The following RBFOX1 variants were observed in gnomAD, a reference collection of about 807,000 sequenced individuals.
RBFOX1 encodes the protein RNA binding protein fox-1 homolog 1.
RBFOX1 carries 8 observed loss-of-function variants against 57.7 expected under a neutral mutation model. That is an observed-to-expected ratio of 0.14 (90% confidence interval 0.08 to 0.25). The LOEUF is 0.25. RBFOX1 is among the 10% of genes least tolerant of loss of function. The pLI is 1.00. For synonymous variants in RBFOX1, 326 were observed against 222.4 expected (o/e 1.47, Z -4.15); for missense variants, 611 against 548.5 (o/e 1.11, Z -1.14).
chr16:6,366,188 T>C (rs1277132781), intron 2 of RBFOX1, among the ~76,000 whole-genome samples: 2 of 152,002 alleles, frequency 1.3e-5, no homozygotes, highest in Admixed American at 1.3e-4. Context: ...CATATGTACG[T>C]ATAAATAAAA....
intron 4 of RBFOX1, among the ~76,000 whole-genome samples, chr16:7,161,441 C>T (rs1047201951): frequency 1.3e-5 from 2 of 152,106 alleles, no homozygotes; most frequent in African/African-American, 4.8e-5. Context: ...AAGTGTGAGG[C>T]ACTTGAAAAA....
intron 1 of RBFOX1, among the ~76,000 whole-genome samples, chr16:6,157,090 C>A (rs2096843711): frequency 6.6e-6 from 1 of 152,172 alleles, no homozygotes; most frequent in Non-Finnish European, 1.5e-5. Context: ...CCACCATGGC[C>A]TCCCAAAGCG....
At chr16:5,454,779 T>TTCTTTCTTTC (rs756254647) in intron 1 of RBFOX1, among the ~76,000 whole-genome samples, 1 of 151,306 alleles carries the variant, frequency 6.6e-6, no homozygotes, top group Non-Finnish European at 1.5e-5. Flanking sequence ...CTTTCTTTCT[T>TTCTTTCTTTC]TCTTTCTTTC....
chr16:7,245,891 C>A (rs554708042), intron 4 of RBFOX1, among the ~76,000 whole-genome samples: 1 of 152,124 alleles, frequency 6.6e-6, no homozygotes, highest in African/African-American at 2.4e-5. Flanking sequence ...TACAGTCTTG[C>A]AAATAGATAT....
At chr16:5,429,531 G>A (rs1056796677) in intron 1 of RBFOX1, among the ~76,000 whole-genome samples, 10 of 152,168 alleles carry the variant, frequency 6.6e-5, no homozygotes, top group African/African-American at 2.4e-4. Context: ...CCAAAGCACA[G>A]CCAAGACAGG....
At chr16:5,641,059 C>T (rs530914085) in intron 3 of RBFOX1, among the ~76,000 whole-genome samples, 1 of 150,130 alleles carries the variant, frequency 6.7e-6, no homozygotes, top group Non-Finnish European at 1.5e-5. Context: ...TGCACATACA[C>T]CCATGCACAC....
chr16:6,516,905 A>G (rs917138871), intron 2 of RBFOX1, among the ~76,000 whole-genome samples: 2 of 152,182 alleles, frequency 1.3e-5, no homozygotes, highest in Non-Finnish European at 2.9e-5. Flanking sequence ...CAGTCTTGGC[A>G]CCTTGACATC....
At chr16:7,332,322 C>G (rs1350028743) in intron 4 of RBFOX1, among the ~76,000 whole-genome samples, 1 of 152,228 alleles carries the variant, frequency 6.6e-6, no homozygotes, top group Admixed American at 6.5e-5. Context: ...AATAATTTAA[C>G]TCTGTCTCTC....
chr16:7,365,107 C>T (rs1001851567), intron 4 of RBFOX1, among the ~76,000 whole-genome samples: 1 of 152,088 alleles, frequency 6.6e-6, no homozygotes. Context: ...CTATCCATCC[C>T]AATACAAACC....
rs972354331 is a variant in RBFOX1 at position 7,044,320 on chromosome 16, G to A, written c.-15-7737G>A. Among the ~76,000 whole-genome samples the A allele has an allele frequency of 8.5e-5, 13 of 152,200 alleles. 1 individual carries two copies. The highest frequency in any genetic ancestry group is 2.6e-4 in the Admixed American group (4 of 15,280). Reference sequence around the variant, plus strand: ...GTTCTAGTTCTTGCAGAGCCAGTCTGATGTGTGGGAGAGAAAAATCAGACT... The same window carrying A: ...GTTCTAGTTCTTGCAGAGCCAGTCTAATGTGTGGGAGAGAAAAATCAGACT... On this transcript the variant is annotated intron_variant, in intron 3 of 15. Coordinates refer to ENST00000550418, the MANE Select transcript of RBFOX1 (RefSeq NM_018723.4).
At chr16:6,263,793 G>C (rs568052451) in intron 1 of RBFOX1, among the ~76,000 whole-genome samples, 2 of 152,170 alleles carry the variant, frequency 1.3e-5, no homozygotes, top group South Asian at 4.2e-4. Flanking sequence ...TCTTCACATT[G>C]GAAGCACCAC....
At position 6,028,819 on chromosome 16, in the gene RBFOX1, G is replaced by A. The variant is rs541938268; in HGVS notation, c.-127+8827G>A. On this transcript the variant is annotated intron_variant, in intron 1 of 15. Transcript: ENST00000550418. ...TCAAGGTGATAAGGCACTGAATGGGGCTATGTTGGAGTCAGAAAAGCTTTG... is the reference window on the plus strand; with the variant it reads ...TCAAGGTGATAAGGCACTGAATGGGACTATGTTGGAGTCAGAAAAGCTTTG... 9.0e-3 allele frequency among the ~76,000 whole-genome samples: 1,368 copies of A among 152,312 alleles called. 10 individuals are homozygous for A. The highest frequency in any genetic ancestry group is 0.013 in the Non-Finnish European group (863 of 68,032).
intron 1 of RBFOX1, among the ~76,000 whole-genome samples, chr16:6,051,673 C>G (rs576090095): frequency 3.3e-5 from 5 of 152,290 alleles, no homozygotes; most frequent in African/African-American, 1.2e-4. Context: ...AAGCAATGTT[C>G]CTGCCTCAGC....
intron 4 of RBFOX1, among the ~76,000 whole-genome samples, chr16:7,334,846 TCTTA>T (rs1466209207): frequency 2.6e-5 from 4 of 152,138 alleles, no homozygotes; most frequent in Non-Finnish European, 5.9e-5. Context: ...GAACAAGTGG[TCTTA>T]CTTGTAAATC....
chr16:7,690,018 G>A (rs1380490694), intron 14 of RBFOX1, among the ~76,000 whole-genome samples: 1 of 152,138 alleles, frequency 6.6e-6, no homozygotes, highest in Non-Finnish European at 1.5e-5. Flanking sequence ...ACCAAAGTTG[G>A]AAGAGATTCA....
chr16:5,978,224 G>A (rs1298545141), intron 4 of RBFOX1, among the ~76,000 whole-genome samples: 1 of 150,158 alleles, frequency 6.7e-6, no homozygotes, highest in Non-Finnish European at 1.5e-5. Flanking sequence ...TGAGGTGGGA[G>A]GATCACTTGC....
At chr16:6,485,455 T>C (rs2095456894) in intron 2 of RBFOX1, among the ~76,000 whole-genome samples, 1 of 152,164 alleles carries the variant, frequency 6.6e-6, no homozygotes, top group African/African-American at 2.4e-5. Context: ...CTTTACTGTT[T>C]TACCTGGTGC....
At chr16:7,110,533 A>G (rs544082701) in intron 4 of RBFOX1, among the ~76,000 whole-genome samples, 58 of 152,312 alleles carry the variant, frequency 3.8e-4, no homozygotes, top group South Asian at 1.5e-3. Flanking sequence ...TATTTTAACA[A>G]TAAAATCTAA....
At chr16:5,403,167 A>G (rs750268191) in intron 1 of RBFOX1, among the ~76,000 whole-genome samples, 3 of 151,998 alleles carry the variant, frequency 2.0e-5, no homozygotes, top group Non-Finnish European at 4.4e-5. Context: ...CCTGACCAAC[A>G]TGGAGAAACC....
Sources: gnomAD v4.1 joint callset for allele counts (sites outside exome capture counted in the v4.1 genomes callset) on GRCh38, gnomAD v4.1.1 for gene constraint, MANE v1.5 for transcripts, NCBI Gene and HGNC (gene_info 2026-07-23, HGNC 2026-07-21) for gene names.